Variants in CDH13 observed in about 807,000 individuals in gnomAD.
The protein encoded by CDH13 is cadherin-13.
Under a neutral mutation model 63.8 loss-of-function variants are expected in CDH13, and 24 were observed. The ratio of observed to expected loss-of-function variants is 0.38; its 90% CI spans 0.27 to 0.53. CDH13 has a LOEUF of 0.53. Ranked by LOEUF, CDH13 falls within the 20% of genes least tolerant of loss-of-function variation. The pLI, the probability that CDH13 is intolerant of heterozygous loss-of-function variation, is 0.85. For missense variants in CDH13, 1,049 were observed against 903.1 expected, an observed-to-expected ratio of 1.16 and a Z score of -2.07; for synonymous variants, 503 against 355.3, an observed-to-expected ratio of 1.42 and a Z score of -4.67.
intron 5 of CDH13, among the ~76,000 whole-genome samples, chr16:83,315,970 G>T (rs74034114): frequency 0.01 from 1,553 of 152,184 alleles, 21 homozygotes; most frequent in African/African-American, 0.036. Context: ...CAAATTACTG[G>T]GTAATTTATA....
chr16:83,380,026 CAATT>C (rs1238859034), intron 6 of CDH13, among the ~76,000 whole-genome samples: 1 of 148,828 alleles, frequency 6.7e-6, no homozygotes, highest in African/African-American at 2.5e-5. Flanking sequence ...AATTTTTAAA[CAATT>C]AATAAACATA....
intron 9 of CDH13, among the ~76,000 whole-genome samples, chr16:83,675,841 G>A (rs1914908762): frequency 6.6e-6 from 1 of 152,166 alleles, no homozygotes; most frequent in South Asian, 2.1e-4. Flanking sequence ...CAAAATAATA[G>A]ATAATTGTGT....
At chr16:83,421,089 A>G (rs998388548) in intron 6 of CDH13, among the ~76,000 whole-genome samples, 1 of 152,174 alleles carries the variant, frequency 6.6e-6, no homozygotes, top group Non-Finnish European at 1.5e-5. Context: ...AATAAGGGAT[A>G]ATGTGAAGGG....
chr16:82,674,511 C>A (rs991749485), intron 1 of CDH13, among the ~76,000 whole-genome samples: 1 of 152,216 alleles, frequency 6.6e-6, no homozygotes, highest in African/African-American at 2.4e-5. Flanking sequence ...TTAACCACAG[C>A]AGGGGCAAGT....
rs568872093 is a variant in CDH13, at chr16:83,798,052, T to C, written c.*3022T>C. ...TATAACGAAATAAATCCAGCCAGAT[T>C]TCATGGTAGGTATCAAATAAGACTT... is the stretch of plus-strand genomic sequence containing the variant. On this transcript the variant is annotated 3_prime_UTR_variant, in exon 14 of 14. Transcript: ENST00000567109. 5.9e-5 allele frequency: 9 copies of C among 152,306 alleles called. No homozygotes were observed. The highest frequency in any genetic ancestry group is 1.2e-4 in the Non-Finnish European group (8 of 68,030). The allele number at this position is 152,306 out of a possible 1,614,324, so 9.4% of individuals were successfully genotyped here.
At chr16:83,226,402 C>G (rs2039840557) in intron 5 of CDH13, among the ~76,000 whole-genome samples, 3 of 152,202 alleles carry the variant, frequency 2.0e-5, no homozygotes, top group Admixed American at 2.0e-4. Context: ...TTAGCACAAA[C>G]TCCTCAGAAG....
intron 3 of CDH13, among the ~76,000 whole-genome samples, chr16:83,035,777 A>G (rs927722313): frequency 6.6e-6 from 1 of 152,062 alleles, no homozygotes; most frequent in South Asian, 2.1e-4. Flanking sequence ...CTGAGCCTCT[A>G]TGTAGTTTTG....
intron 4 of CDH13, among the ~76,000 whole-genome samples, chr16:83,156,439 C>G (rs1290462589): frequency 6.6e-6 from 1 of 152,170 alleles, no homozygotes; most frequent in Non-Finnish European, 1.5e-5. Context: ...GATACACACC[C>G]CATCTACAAA....
intron 7 of CDH13, among the ~76,000 whole-genome samples, chr16:83,562,078 G>T (rs1311351459): frequency 6.6e-6 from 1 of 152,172 alleles, no homozygotes; most frequent in Non-Finnish European, 1.5e-5. Context: ...ATGTCCAAGT[G>T]TCTTCCACAG....
chr16:82,726,009 A>G (rs2033075229), intron 1 of CDH13, among the ~76,000 whole-genome samples: 1 of 152,156 alleles, frequency 6.6e-6, no homozygotes, highest in Non-Finnish European at 1.5e-5. Context: ...GTGCCATTCA[A>G]GCAGTCCGTG....
chr16:83,695,986 C>T (rs556142889), intron 10 of CDH13, among the ~76,000 whole-genome samples: 7 of 151,902 alleles, frequency 4.6e-5, no homozygotes, highest in African/African-American at 1.7e-4. Flanking sequence ...GCCTCCTGGG[C>T]TCAAGGGATC....
chr16:83,404,502 C>T (rs1198318065), intron 6 of CDH13, among the ~76,000 whole-genome samples: 2 of 152,134 alleles, frequency 1.3e-5, no homozygotes, highest in Non-Finnish European at 2.9e-5. Flanking sequence ...TACTTAGAGC[C>T]CACAAGAAGA....
intron 3 of CDH13, among the ~76,000 whole-genome samples, chr16:83,075,825 A>T (rs2032796060): frequency 6.6e-6 from 1 of 152,146 alleles, no homozygotes; most frequent in Non-Finnish European, 1.5e-5. Flanking sequence ...CTGCAAATGG[A>T]GAGTTTGTGT....
At chr16:83,086,626 C>T (rs962909496) in intron 3 of CDH13, among the ~76,000 whole-genome samples, 1 of 152,148 alleles carries the variant, frequency 6.6e-6, no homozygotes, top group African/African-American at 2.4e-5. Flanking sequence ...CTGTTTTGAC[C>T]TTGACATTTA....
chr16:83,593,905 A>G (rs572696304), intron 7 of CDH13, among the ~76,000 whole-genome samples: 4 of 152,238 alleles, frequency 2.6e-5, no homozygotes, highest in South Asian at 4.1e-4. Flanking sequence ...GGAAAACGGT[A>G]CTCATTATCT....
At chr16:83,380,695 C>T (rs75291478) in intron 6 of CDH13, among the ~76,000 whole-genome samples, 14,208 of 152,164 alleles carry the variant, frequency 0.093, 925 homozygotes, top group Non-Finnish European at 0.14. Flanking sequence ...CCTTCACCTC[C>T]ATATTCTAGA....
At chr16:83,136,607 G>A (rs1182982931) in intron 4 of CDH13, among the ~76,000 whole-genome samples, 2 of 152,136 alleles carry the variant, frequency 1.3e-5, no homozygotes, top group Non-Finnish European at 2.9e-5. Context: ...AGGGAGGTCT[G>A]CCAGGGGAGA....
At chr16:83,517,588 A>G (rs1265041912) in intron 7 of CDH13, among the ~76,000 whole-genome samples, 2 of 152,124 alleles carry the variant, frequency 1.3e-5, no homozygotes, top group Non-Finnish European at 2.9e-5. Flanking sequence ...GGCCCCACCT[A>G]CCTGAAGGGA....
intron 7 of CDH13, among the ~76,000 whole-genome samples, chr16:83,569,957 G>A (rs1478658699): frequency 3.3e-5 from 5 of 152,026 alleles, no homozygotes; most frequent in African/African-American, 7.3e-5. Context: ...GGTTGGTCTC[G>A]AACTCCTGAC....
Sources: gnomAD v4.1 joint callset for allele counts (sites outside exome capture counted in the v4.1 genomes callset) on GRCh38, gnomAD v4.1.1 for gene constraint, MANE v1.5 for transcripts, NCBI Gene and HGNC (gene_info 2026-07-23, HGNC 2026-07-21) for gene names.